Variants in SUGCT observed in about 807,000 individuals in gnomAD.
The protein encoded by SUGCT is succinyl-CoA:glutarate-CoA transferase, also known as succinyl-CoA:glutarate CoA-transferase.
In SUGCT, 41 loss-of-function variants were observed where a neutral mutation model predicts 55.0. The ratio of observed to expected loss-of-function variants is 0.74; its 90% confidence interval spans 0.58 to 0.97. The LOEUF (loss-of-function observed/expected upper bound fraction) is 0.97. Among genes scored for constraint, SUGCT ranks in the 50% least tolerant of loss-of-function variants. The probability of loss-of-function intolerance (pLI) is 0.00; values close to 1 mark genes in which losing one functional copy is unlikely to be tolerated. For missense variants in SUGCT, 568 were observed against 547.8 expected (o/e 1.04, Z -0.37); for synonymous variants, 187 against 200.4 (o/e 0.93, Z 0.56).
intron 6 of SUGCT, among the ~76,000 whole-genome samples, chr7:40,204,092 G>T (rs1418078282): frequency 6.6e-6 from 1 of 150,754 alleles, no homozygotes; most frequent in Non-Finnish European, 1.5e-5. Flanking sequence ...AGGCTCACGT[G>T]ATCCTCCCGC....
chr7:40,343,849 G>C (rs1053933157), intron 9 of SUGCT, among the ~76,000 whole-genome samples: 2 of 151,986 alleles, frequency 1.3e-5, no homozygotes, highest in Non-Finnish European at 2.9e-5. Flanking sequence ...GTAGAGACAG[G>C]GTTTCACTGT....
intron 13 of SUGCT, among the ~76,000 whole-genome samples, chr7:40,835,214 C>A (rs1441966589): frequency 6.6e-6 from 1 of 152,196 alleles, no homozygotes; most frequent in African/African-American, 2.4e-5. Context: ...GTTCAAGACA[C>A]TGCCTTCCTC....
intron 12 of SUGCT, among the ~76,000 whole-genome samples, chr7:40,712,517 G>A (rs1032892519): frequency 2.0e-5 from 3 of 152,168 alleles, no homozygotes; most frequent in East Asian, 1.9e-4. Flanking sequence ...ACTACTGATT[G>A]CCTCTGTAGA....
In SUGCT at chr7:40,790,551, G is replaced by C. The variant is rs1375299404; in HGVS notation, c.1153+41054G>C. 6.6e-5 allele frequency among the ~76,000 whole-genome samples: 10 copies of C among 152,174 alleles called. 1 individual carries two copies. The highest frequency in any genetic ancestry group is 6.6e-4 in the Admixed American group (10 of 15,266). Reference sequence around the variant, plus strand: ...GTCTTTTCTCTGAAGGCCTAACTCAGATCAAAGAAATAATTCCAACAGATA... The same window carrying C: ...GTCTTTTCTCTGAAGGCCTAACTCACATCAAAGAAATAATTCCAACAGATA... On this transcript the variant is annotated intron_variant, in intron 13 of 13. Transcript: ENST00000335693.
At chr7:40,491,319 T>C (rs1791664928) in intron 11 of SUGCT, among the ~76,000 whole-genome samples, 1 of 152,212 alleles carries the variant, frequency 6.6e-6, no homozygotes, top group Non-Finnish European at 1.5e-5. Flanking sequence ...AGGACTGTGA[T>C]AGTTACAGTG....
chr7:40,261,330 A>G lies in SUGCT; in HGVS notation c.577-13183A>G, dbSNP rs73316563. ...AATGAATCTTCCAAAAGATAAAGAA[A>G]TAGGTCCGGGTCACACAGTTTCTAT... On this transcript the variant is annotated intron_variant, in intron 7 of 13. Coordinates refer to ENST00000335693, the MANE Select transcript of SUGCT (RefSeq NM_001193313.2). Among the ~76,000 whole-genome samples the G allele has an allele frequency of 6.2e-3, 947 of 152,320 alleles. 7 individuals carry two copies. The highest frequency in any genetic ancestry group is 0.022 in the African/African-American group (894 of 41,558).
chr7:40,325,472 T>C (rs1364731770), intron 9 of SUGCT, among the ~76,000 whole-genome samples: 2 of 152,146 alleles, frequency 1.3e-5, no homozygotes, highest in Non-Finnish European at 2.9e-5. Flanking sequence ...CATACATGTA[T>C]GTATGTATTT....
At chr7:40,940,309 T>C in the SUGCT span, among the ~76,000 whole-genome samples, 125 of 152,244 alleles carry the variant, frequency 8.2e-4, no homozygotes, top group African/African-American at 2.9e-3. Context: ...AGTTCAGTAA[T>C]GTGACACCTC....
chr7:40,829,489 G>A (rs1201982607), intron 13 of SUGCT, among the ~76,000 whole-genome samples: 1 of 152,190 alleles, frequency 6.6e-6, no homozygotes, highest in South Asian at 2.1e-4. Flanking sequence ...ATGTTCACAA[G>A]TTAGAAATCT....
intron 12 of SUGCT, among the ~76,000 whole-genome samples, chr7:40,632,746 A>C (rs1221592395): frequency 6.6e-6 from 1 of 152,026 alleles, no homozygotes; most frequent in African/African-American, 2.4e-5. Flanking sequence ...TTTATTTTTC[A>C]CTACATCTTC....
At chr7:40,346,497 T>G (rs1346589379) in intron 9 of SUGCT, among the ~76,000 whole-genome samples, 1 of 152,152 alleles carries the variant, frequency 6.6e-6, no homozygotes, top group African/African-American at 2.4e-5. Context: ...CCTTCACAGT[T>G]TTCTGGTTGT....
At chr7:40,570,401 G>A (rs1254849733) in intron 12 of SUGCT, among the ~76,000 whole-genome samples, 2 of 152,208 alleles carry the variant, frequency 1.3e-5, no homozygotes, top group Admixed American at 6.5e-5. Context: ...AGGGAGAACA[G>A]CATGAGCTGT....
intron 11 of SUGCT, among the ~76,000 whole-genome samples, chr7:40,483,390 T>A (rs1450590424): frequency 6.6e-6 from 1 of 152,206 alleles, no homozygotes; most frequent in Non-Finnish European, 1.5e-5. Flanking sequence ...GTAGTTTTGT[T>A]TATTTAACAC....
intron 12 of SUGCT, among the ~76,000 whole-genome samples, chr7:40,553,777 A>G (rs1795425565): frequency 6.6e-6 from 1 of 152,206 alleles, no homozygotes; most frequent in African/African-American, 2.4e-5. Context: ...TTTCTCAGAA[A>G]CTATTGATGT....
At chr7:40,510,719 C>G (rs925201032) in intron 12 of SUGCT, among the ~76,000 whole-genome samples, 4 of 151,600 alleles carry the variant, frequency 2.6e-5, no homozygotes, top group Non-Finnish European at 5.9e-5. Flanking sequence ...TTATACTTTT[C>G]GGAATAAAAT....
intron 13 of SUGCT, among the ~76,000 whole-genome samples, chr7:40,830,178 A>G (rs974170402): frequency 1.3e-5 from 2 of 152,120 alleles, no homozygotes; most frequent in African/African-American, 4.8e-5. Context: ...TCTGCTGACC[A>G]CAGTCACCTC....
intron 12 of SUGCT, among the ~76,000 whole-genome samples, chr7:40,690,345 G>C (rs974503301): frequency 1.3e-5 from 2 of 152,060 alleles, no homozygotes; most frequent in Non-Finnish European, 2.9e-5. Context: ...ACCTTAAGTA[G>C]ACCTTCTAGC....
intron 9 of SUGCT, among the ~76,000 whole-genome samples, chr7:40,380,101 A>G (rs1188372706): frequency 6.6e-6 from 1 of 152,226 alleles, no homozygotes; most frequent in African/African-American, 2.4e-5. Flanking sequence ...GGTATTTTCC[A>G]TAGGTCAAAT....
At chr7:40,953,921 T>G in the SUGCT span, among the ~76,000 whole-genome samples, 1 of 152,332 alleles carries the variant, frequency 6.6e-6, no homozygotes, top group East Asian at 1.9e-4. Context: ...GAGGAGGCAG[T>G]CTGTCTGTTC....
Sources: gnomAD v4.1 joint callset for allele counts (sites outside exome capture counted in the v4.1 genomes callset) on GRCh38, gnomAD v4.1.1 for gene constraint, MANE v1.5 for transcripts, NCBI Gene and HGNC (gene_info 2026-07-23, HGNC 2026-07-21) for gene names.